Variants in LHX2 observed in about 807,000 individuals in gnomAD.
LHX2 encodes LIM/homeobox protein Lhx2.
A neutral mutation model predicts 33.0 loss-of-function variants in LHX2; 6 were observed. The observed-to-expected ratio is 0.18, with a 90% CI of 0.10 to 0.36. The LOEUF (loss-of-function observed/expected upper bound fraction) is 0.36, where lower values mean the gene tolerates loss of function less well. Ranked by LOEUF, LHX2 falls within the 10% of genes least tolerant of loss-of-function variation. The probability of loss-of-function intolerance (pLI) is 1.00; values close to 1 mark genes in which losing one functional copy is unlikely to be tolerated. For synonymous variants in LHX2, 292 were observed against 253.1 expected (o/e 1.15, Z -1.46); for missense variants, 442 against 586.2 (o/e 0.75, Z 2.54).
At chr9:124,029,461 C>A (rs112825779) in intron 4 of LHX2, among the ~76,000 whole-genome samples, 2,317 of 152,240 alleles carry the variant, frequency 0.015, 24 homozygotes, top group Non-Finnish European at 0.024. Flanking sequence ...CCCACACAAC[C>A]CCAGAGCAGC....
At chr9:124,017,966 G>A (rs988474468) in intron 3 of LHX2, among the ~76,000 whole-genome samples, 1 of 151,836 alleles carries the variant, frequency 6.6e-6, no homozygotes, top group African/African-American at 2.4e-5. Flanking sequence ...CGCGCACTTT[G>A]CGCCTGGGTT....
At chr9:124,031,113 T>A (rs1274143217) in intron 4 of LHX2, among the ~76,000 whole-genome samples, 3 of 152,152 alleles carry the variant, frequency 2.0e-5, no homozygotes, top group Non-Finnish European at 4.4e-5. Flanking sequence ...CCCTCATAAG[T>A]CGATACGGGA....
In LHX2 at chr9:124,015,034, C is replaced by T. The variant is rs1044548308; in HGVS notation, c.324-88C>T. On this transcript the variant is annotated intron_variant, in intron 2 of 4. Transcript: ENST00000373615. The surrounding 1 kb of genome is among the most constrained non-coding windows in gnomAD (Gnocchi z 7.9). ...TTGTTCGTCTTGAGGAGGGGATTGC[C>T]CCCCGCAGCAGCAGCGGCACCTGGA... 6.7e-7 allele frequency: 1 copy of T among 1,494,908 alleles called. No individual in the cohort carries two copies. Among genetic ancestry groups the T allele is most frequent in the Non-Finnish European group, 9.1e-7 (1 of 1,100,716 alleles). 92.6% of individuals were successfully genotyped at this position (1,494,908 alleles called of 1,614,324 possible).
chr9:124,012,396 C>T lies in LHX2; in HGVS notation c.48C>T (p.Asp16=), dbSNP rs1302991525. ...GCCCCGAGGTGCACGGGGTCATCGACGAGATGGACCGCAGGGCCAAGAGCG... is the reference window on the plus strand; with the variant it reads ...GCCCCGAGGTGCACGGGGTCATCGATGAGATGGACCGCAGGGCCAAGAGCG... The part of the protein sequence containing the change: ...LSGPEVHGVI[D]EMDRRAKSEA... Residue 16 remains aspartate, a synonymous_variant, in exon 1 of 5, where the codon GAC becomes GAT. Transcript: ENST00000373615. This position sits in a 1 kb window ranked among gnomAD's most constrained non-coding sequence, Gnocchi z 4.3. The T allele has an allele frequency of 1.3e-6, 2 of 1,532,730 alleles. No homozygotes were observed. Among genetic ancestry groups the T allele is most frequent in the African/African-American group, 1.4e-5 (1 of 71,838 alleles). 94.9% of individuals were successfully genotyped at this position (1,532,730 alleles called of 1,614,324 possible).
At position 124,015,273 on chromosome 9, in the gene LHX2, A is replaced by G. The variant is rs773524246; in HGVS notation, c.475A>G (p.Lys159Glu). Residue 159 changes from lysine to glutamate, a missense_variant, in exon 3 of 5, where the codon AAG (lysine) becomes GAG (glutamate). By Grantham distance (56) the Lys-to-Glu change is moderately conservative. Transcript: ENST00000373615. This position sits in a 1 kb window ranked among gnomAD's most constrained non-coding sequence, Gnocchi z 7.9. ...GACCACGGGCGACCACTTCGGCATG[A>G]AGGACAGCCTGGTCTACTGCCGCTT... ...MLTTGDHFGM[K>E]DSLVYCRLHF... 1 of 1,614,156 alleles carries G rather than the reference A, an allele frequency of 6.2e-7. No homozygotes were observed. Among genetic ancestry groups the G allele is most frequent in the South Asian group, 1.1e-5 (1 of 91,086 alleles).
Position 124,012,363 on chromosome 9 carries a change from T to C in LHX2, c.15T>C (p.Ser5=), listed in dbSNP as rs1236938899. The C allele has an allele frequency of 6.6e-6, 10 of 1,519,774 alleles. No homozygotes were observed. In the Admixed American group the frequency reaches 1.6e-4, roughly 25 times the overall value. The allele number at this position is 1,519,774 out of a possible 1,614,324, so 94.1% of individuals were successfully genotyped here. A position where few individuals can be genotyped will look rare whatever the true frequency, so the allele number is the denominator to read the frequency against. The part of the protein sequence containing the change: MLFH[S]LSGPEVHGVI... ...GTCCCGCCGCGATGCTGTTCCACAGTCTGTCGGGCCCCGAGGTGCACGGGG... is the reference window on the plus strand; with the variant it reads ...GTCCCGCCGCGATGCTGTTCCACAGCCTGTCGGGCCCCGAGGTGCACGGGG... The change falls in exon 1 of 5, where the codon AGT becomes AGC. Residue 5 remains serine, a synonymous_variant. Coordinates refer to ENST00000373615, the MANE Select transcript of LHX2 (RefSeq NM_004789.4). This position sits in a 1 kb window ranked among gnomAD's most constrained non-coding sequence, Gnocchi z 4.3.
At position 124,015,145 on chromosome 9, in the gene LHX2, C is replaced by G. The variant is rs766398944; in HGVS notation, c.347C>G (p.Ala116Gly). 13 of 1,613,538 alleles carry G rather than the reference C, an allele frequency of 8.1e-6. No individual in the cohort carries two copies. The highest frequency in any genetic ancestry group is 1.3e-5 in the African/African-American group (1 of 74,944). The change falls in exon 3 of 5, where the codon GCC becomes GGC. Residue 116 changes from alanine to glycine, a missense_variant. Physicochemically the swap from Ala to Gly is moderately conservative, Grantham distance 60. Transcript: ENST00000373615. This position sits in a 1 kb window ranked among gnomAD's most constrained non-coding sequence, Gnocchi z 7.9. Reference sequence around the variant, plus strand: ...AGGCGCTTCTCTGTGCAGCGCTGCGCCCGCTGCCACCTGGGCATCTCGGCC... The same window carrying G: ...AGGCGCTTCTCTGTGCAGCGCTGCGGCCGCTGCCACCTGGGCATCTCGGCC... ...YYRRFSVQRC[A>G]RCHLGISASE... is the part of the protein sequence containing the mutation.
rs1828719520 is a variant in LHX2, at chr9:124,032,822, C to G, written c.*115C>G. ...CAACTAACTAACCACATTTTAGGAT[C>G]TCGCCTGGAAACAGAGGTAAAAAAA... On this transcript the variant is annotated 3_prime_UTR_variant, in exon 5 of 5. Transcript: ENST00000373615. The surrounding 1 kb of genome is among the most constrained non-coding windows in gnomAD (Gnocchi z 4.1). 1.6e-6 allele frequency: 2 copies of G among 1,213,746 alleles called. No homozygotes were observed. The highest frequency in any genetic ancestry group is 2.3e-6 in the Non-Finnish European group (2 of 879,008). The allele number at this position is 1,213,746 out of a possible 1,614,324, so 75.2% of individuals were successfully genotyped here.
intron 4 of LHX2, among the ~76,000 whole-genome samples, chr9:124,024,903 G>T (rs930645389): frequency 5.3e-5 from 8 of 152,210 alleles, no homozygotes; most frequent in Admixed American, 3.3e-4. Flanking sequence ...TGCACACGAA[G>T]GGATTTTGAC....
chr9:124,018,824 T>C (rs1316013278), intron 3 of LHX2, among the ~76,000 whole-genome samples: 1 of 152,142 alleles, frequency 6.6e-6, no homozygotes, highest in Non-Finnish European at 1.5e-5. Flanking sequence ...CCATTCTGCC[T>C]TTCTGTGTTT....
intron 4 of LHX2, among the ~76,000 whole-genome samples, chr9:124,030,028 C>G (rs1828686418): frequency 6.6e-6 from 1 of 152,212 alleles, no homozygotes; most frequent in Non-Finnish European, 1.5e-5. Flanking sequence ...ACTTATTTGC[C>G]AGCCCCCAGA....
At chr9:124,018,788 C>A (rs1859241410) in intron 3 of LHX2, among the ~76,000 whole-genome samples, 1 of 152,162 alleles carries the variant, frequency 6.6e-6, no homozygotes, top group Non-Finnish European at 1.5e-5. Flanking sequence ...ATCTTCCGTC[C>A]CTACCCCCTC....
chr9:124,032,434 C>T lies in LHX2; in HGVS notation c.948C>T (p.Asn316=), dbSNP rs578050617. ...GTCCCCCGCAGGTCTGGTTCCAGAA[C>T]GCCCGAGCCAAGTTCAGGCGCAACC... ...TKRVLQVWFQ[N]ARAKFRRNLL... The change falls in exon 5 of 5, where the codon AAC becomes AAT. Residue 316 remains asparagine (N), a synonymous_variant. Coordinates refer to ENST00000373615, the MANE Select transcript of LHX2 (RefSeq NM_004789.4). The surrounding 1 kb of genome is among the most constrained non-coding windows in gnomAD (Gnocchi z 4.1). 16 of 1,591,954 alleles carry T rather than the reference C, an allele frequency of 1.0e-5. No homozygotes were observed. Among genetic ancestry groups the T allele is most frequent in the African/African-American group, 6.7e-5 (5 of 74,794 alleles).
intron 4 of LHX2, among the ~76,000 whole-genome samples, chr9:124,029,952 G>A (rs546289246): frequency 6.6e-6 from 1 of 152,290 alleles, no homozygotes; most frequent in South Asian, 2.1e-4. Flanking sequence ...ATTTCTGCTG[G>A]CCGGGAAAGG....
chr9:124,013,888 G>GCCGGTTTC, intron 1 of LHX2, 73 bp from the exon 2 acceptor site: 1 of 1,431,746 alleles, frequency 7.0e-7, no homozygotes, highest in East Asian at 2.3e-5. Context: ...AGTTGTGGGT[G>GCCGGTTTC]CCGGTTTCCC....
intron 4 of LHX2, among the ~76,000 whole-genome samples, chr9:124,025,098 A>G (rs1468255697): frequency 1.3e-5 from 2 of 152,212 alleles, no homozygotes; most frequent in African/African-American, 2.4e-5. Context: ...ATCAGTGGGC[A>G]AGGTGACTAG....
Position 124,015,500 on chromosome 9 carries a change from T to G in LHX2, c.702T>G (p.Gly234=), listed in dbSNP as rs1564548786. Residue 234 remains glycine (G), a synonymous_variant, in exon 3 of 5, where the codon GGT becomes GGG. Coordinates refer to ENST00000373615, the MANE Select transcript of LHX2 (RefSeq NM_004789.4). The surrounding 1 kb of genome is among the most constrained non-coding windows in gnomAD (Gnocchi z 7.9). The part of the protein sequence containing the change: ...RPRKRKSPGP[G]ADLAAYNAAL... ...GGAAACGTAAGAGCCCGGGCCCCGGTGCGGATCTGGCGGCCTACAACGCTG... is the reference window on the plus strand; with the variant it reads ...GGAAACGTAAGAGCCCGGGCCCCGGGGCGGATCTGGCGGCCTACAACGCTG... 1 of 1,471,812 alleles carries G rather than the reference T, an allele frequency of 6.8e-7. No individual in the cohort carries two copies. The highest frequency in any genetic ancestry group is 9.0e-7 in the Non-Finnish European group (1 of 1,111,518). The allele number at this position is 1,471,812 out of a possible 1,614,324, so 91.2% of individuals were successfully genotyped here.
At chr9:124,013,140 G>A (rs566485593) in intron 1 of LHX2, among the ~76,000 whole-genome samples, 1 of 152,244 alleles carries the variant, frequency 6.6e-6, no homozygotes, top group African/African-American at 2.4e-5. Flanking sequence ...GGCCTCCCTG[G>A]GGGCCAGACG....
rs1021760971 is a variant in LHX2, at chr9:124,012,115, C to G, written c.-234C>G. On this transcript the variant is annotated 5_prime_UTR_variant, in exon 1 of 5. Coordinates refer to ENST00000373615, the MANE Select transcript of LHX2 (RefSeq NM_004789.4). This position sits in a 1 kb window ranked among gnomAD's most constrained non-coding sequence, Gnocchi z 4.3. ...GCCCTTGTGACCCTGGCTTTGGCGCCGTCGCCCAGGCGCCCCGCAATGTAG... is the reference window on the plus strand; with the variant it reads ...GCCCTTGTGACCCTGGCTTTGGCGCGGTCGCCCAGGCGCCCCGCAATGTAG... The G allele has an allele frequency of 5.0e-6, 1 of 198,464 alleles. No homozygotes were observed. The highest frequency in any genetic ancestry group is 1.0e-5 in the Non-Finnish European group (1 of 100,420). The allele number at this position is 198,464 out of a possible 1,614,324, so 12.3% of individuals were successfully genotyped here.
Sources: allele counts gnomAD v4.1 joint callset (sites outside exome capture counted in the v4.1 genomes callset), GRCh38; gene constraint gnomAD v4.1.1; non-coding constraint Gnocchi (gnomAD v3.1); transcripts MANE v1.5; gene names NCBI Gene and HGNC (gene_info 2026-07-23, HGNC 2026-07-21).